The following C8orf34 variants were observed in gnomAD, a reference collection of about 807,000 sequenced individuals.
C8orf34 encodes the protein chromosome 8 open reading frame 34.
Under a neutral mutation model 68.3 loss-of-function variants are expected in C8orf34, and 65 were observed. The observed-to-expected ratio is 0.95, with a 90% confidence interval of 0.78 to 1.17. The LOEUF is 1.17. C8orf34 is among the 50% of genes most tolerant of loss of function. The pLI, the probability that C8orf34 is intolerant of heterozygous loss-of-function variation, is 0.00. For synonymous variants in C8orf34, 244 were observed against 241.2 expected, an observed-to-expected ratio of 1.01 and a Z score of -0.11; for missense variants, 664 against 655.4, an observed-to-expected ratio of 1.01 and a Z score of -0.14.
chr8:68,351,461 C>T (rs1327902157), intron 1 of C8orf34, among the ~76,000 whole-genome samples: 2 of 151,924 alleles, frequency 1.3e-5, no homozygotes, highest in African/African-American at 4.8e-5. Context: ...TGTGTAGAAT[C>T]TTGCAAGAAT....
At chr8:68,794,506 T>TATATATATATATATATATACATA (rs58048066) in intron 12 of C8orf34, among the ~76,000 whole-genome samples, 7 of 59,040 alleles carry the variant, frequency 1.2e-4, no homozygotes, top group South Asian at 5.4e-4. Flanking sequence ...TATATATATA[T>TATATATATATATATATATACATA]TTTTTTTTTT....
intron 1 of C8orf34, among the ~76,000 whole-genome samples, chr8:68,425,226 A>G (rs896427529): frequency 1.3e-5 from 2 of 152,192 alleles, no homozygotes; most frequent in African/African-American, 2.4e-5. Context: ...TGAGTTCTAG[A>G]CAAGGATGTT....
At chr8:68,517,445 C>A (rs1814567783) in intron 5 of C8orf34, among the ~76,000 whole-genome samples, 1 of 152,086 alleles carries the variant, frequency 6.6e-6, no homozygotes, top group African/African-American at 2.4e-5. Context: ...TAGTAGAGCC[C>A]CATTTTTCAC....
intron 4 of C8orf34, among the ~76,000 whole-genome samples, chr8:68,476,637 A>T (rs1370338598): frequency 1.3e-5 from 2 of 152,184 alleles, no homozygotes; most frequent in African/African-American, 2.4e-5. Context: ...CAGGGTCTGT[A>T]TTACAAAGAT....
intron 12 of C8orf34, among the ~76,000 whole-genome samples, chr8:68,799,882 G>T (rs72652112): frequency 0.095 from 14,387 of 152,124 alleles, 1,498 homozygotes; most frequent in African/African-American, 0.26. Context: ...TGAACTGAGG[G>T]ATGCATAATA....
intron 4 of C8orf34, among the ~76,000 whole-genome samples, chr8:68,479,264 T>C (rs1586225017): frequency 6.6e-6 from 1 of 151,202 alleles, no homozygotes; most frequent in African/African-American, 2.4e-5. Flanking sequence ...AAAGGAGGAG[T>C]ACGTCCTGCA....
intron 5 of C8orf34, among the ~76,000 whole-genome samples, chr8:68,517,313 C>T (rs574331076): frequency 6.6e-6 from 1 of 152,116 alleles, no homozygotes; most frequent in South Asian, 2.1e-4. Flanking sequence ...TGTAAAAAGG[C>T]TATATTCAAA....
chr8:68,603,160 C>T (rs1417465235), intron 7 of C8orf34, among the ~76,000 whole-genome samples: 1 of 144,438 alleles, frequency 6.9e-6, no homozygotes, highest in African/African-American at 2.7e-5. Flanking sequence ...GTTGTTGTTG[C>T]AAGAAGAAGC....
chr8:68,624,909 G>C (rs1818492750), intron 7 of C8orf34, among the ~76,000 whole-genome samples: 1 of 96,396 alleles, frequency 1.0e-5, no homozygotes, highest in Non-Finnish European at 2.1e-5. Flanking sequence ...CTAATTTCTT[G>C]CTTTTTTTTT....
chr8:68,665,358 G>A (rs74749746), intron 8 of C8orf34, among the ~76,000 whole-genome samples: 165 of 152,096 alleles, frequency 1.1e-3, no homozygotes, highest in African/African-American at 3.8e-3. Flanking sequence ...CTATAATTAC[G>A]TTACCTAAAG....
chr8:68,625,429 T>C, intron 7 of C8orf34: 1 of 525,830 alleles, frequency 1.9e-6, no homozygotes, highest in Non-Finnish European at 3.4e-6. Flanking sequence ...TGAGATGTTA[T>C]TAAGGAAGAG....
chr8:68,468,546 C>A (rs1348503477), intron 3 of C8orf34, 146 bp from the exon 4 acceptor site: 1 of 712,368 alleles, frequency 1.4e-6, no homozygotes, highest in Non-Finnish European at 2.1e-6. Context: ...ATCTTCCCCT[C>A]TTTTTTCTCA....
chr8:68,761,224 G>A (rs767596392), intron 10 of C8orf34, among the ~76,000 whole-genome samples: 45 of 152,156 alleles, frequency 3.0e-4, no homozygotes, highest in Admixed American at 1.5e-3. Flanking sequence ...CCTCAATGTG[G>A]TGGCCCAGCT....
intron 6 of C8orf34, among the ~76,000 whole-genome samples, chr8:68,527,868 G>A (rs1422327702): frequency 3.9e-5 from 6 of 152,188 alleles, no homozygotes; most frequent in Non-Finnish European, 8.8e-5. Context: ...CATCCCTGCA[G>A]CAGGCAGCTA....
chr8:68,440,282 C>T (rs895776071), intron 2 of C8orf34, among the ~76,000 whole-genome samples: 2 of 152,182 alleles, frequency 1.3e-5, no homozygotes, highest in African/African-American at 4.8e-5. Context: ...ATGCCCATTG[C>T]TTGGGTAACT....
chr8:68,622,205 A>G (rs1201905611), intron 7 of C8orf34, among the ~76,000 whole-genome samples: 1 of 152,260 alleles, frequency 6.6e-6, no homozygotes, highest in Non-Finnish European at 1.5e-5. Flanking sequence ...GCAAGCCAAG[A>G]AAGCAATAAA....
At chr8:68,356,884 C>A (rs1363934922) in intron 1 of C8orf34, among the ~76,000 whole-genome samples, 2 of 152,068 alleles carry the variant, frequency 1.3e-5, no homozygotes, top group Non-Finnish European at 2.9e-5. Flanking sequence ...ATAACGCCTG[C>A]TGTTCCTTCA....
intron 5 of C8orf34, among the ~76,000 whole-genome samples, chr8:68,520,795 C>G (rs1421272701): frequency 6.6e-6 from 1 of 152,054 alleles, no homozygotes; most frequent in Non-Finnish European, 1.5e-5. Flanking sequence ...TTGTTCAAGA[C>G]TATTGTAATA....
chr8:68,774,659 G>A (rs1358221890), intron 10 of C8orf34, among the ~76,000 whole-genome samples: 2 of 151,842 alleles, frequency 1.3e-5, no homozygotes, highest in Non-Finnish European at 1.5e-5. Flanking sequence ...GGGAATACCA[G>A]CATTCTATTT....
Sources: allele counts gnomAD v4.1 joint callset (sites outside exome capture counted in the v4.1 genomes callset), GRCh38; gene constraint gnomAD v4.1.1; transcripts MANE v1.5; gene names NCBI Gene and HGNC (gene_info 2026-07-23, HGNC 2026-07-21).